CARD8: variants seen among roughly 807,000 people sequenced by gnomAD.
CARD8 encodes caspase recruitment domain-containing protein 8.
CARD8 carries 38 observed loss-of-function variants against 53.2 expected under a neutral mutation model. The ratio of observed to expected loss-of-function variants is 0.71; its 90% CI spans 0.55 to 0.94. The LOEUF is 0.94. Among genes scored for constraint, CARD8 ranks in the 40% least tolerant of loss-of-function variants. The probability of loss-of-function intolerance (pLI) is 0.00; values close to 1 mark genes in which losing one functional copy is unlikely to be tolerated. For missense variants in CARD8, 561 were observed against 655.5 expected, an observed-to-expected ratio of 0.86 and a Z score of 1.57; for synonymous variants, 245 against 244.9, an observed-to-expected ratio of 1.00 and a Z score of 0.00.
intron 10 of CARD8, among the ~76,000 whole-genome samples, chr19:48,227,559 C>T (rs1014311499): frequency 3.3e-5 from 5 of 152,092 alleles, no homozygotes; most frequent in Non-Finnish European, 7.4e-5. Context: ...AATCCCAACA[C>T]TTTGGGAGGC....
intron 11 of CARD8, among the ~76,000 whole-genome samples, chr19:48,219,415 A>T (rs17360062): frequency 0.26 from 39,619 of 151,894 alleles, 5,350 homozygotes; most frequent in South Asian, 0.36. Context: ...GGGTCAGATA[A>T]GCCATTTCAG....
At chr19:48,240,046 A>G (rs1315906989) in intron 4 of CARD8, among the ~76,000 whole-genome samples, 2 of 152,216 alleles carry the variant, frequency 1.3e-5, no homozygotes, top group African/African-American at 4.8e-5. Flanking sequence ...TCCTAACAAC[A>G]TCACATTGGA....
chr19:48,240,314 A>G (rs889805909), intron 4 of CARD8, among the ~76,000 whole-genome samples: 6 of 152,204 alleles, frequency 3.9e-5, no homozygotes, highest in Non-Finnish European at 5.9e-5. Context: ...TGGGATTGTC[A>G]AGAGCGTGGT....
In CARD8 at chr19:48,209,732, C is replaced by A. The variant is rs568789680; in HGVS notation, c.*1978G>T. ...GAGGTTTCCATTTAAAAGAATTCCACTATTCATCAAAATTTTCATCTATTC... is the reference window on the plus strand; with the variant it reads ...GAGGTTTCCATTTAAAAGAATTCCAATATTCATCAAAATTTTCATCTATTC... On this transcript the variant is annotated 3_prime_UTR_variant, in exon 14 of 14. Coordinates refer to ENST00000651546, the MANE Select transcript of CARD8 (RefSeq NM_001184900.3). 1 of 152,418 alleles carries A rather than the reference C, an allele frequency of 6.6e-6. No homozygotes were observed. The highest frequency in any genetic ancestry group is 1.5e-5 in the Non-Finnish European group (1 of 68,006). The allele number at this position is 152,418 out of a possible 1,614,324, so 9.4% of individuals were successfully genotyped here. A position where few individuals can be genotyped will look rare whatever the true frequency, so the allele number is the denominator to read the frequency against.
chr19:48,252,336 A>G (rs2047025873), intron 1 of CARD8, among the ~76,000 whole-genome samples: 1 of 152,126 alleles, frequency 6.6e-6, no homozygotes, highest in Non-Finnish European at 1.5e-5. Flanking sequence ...TATAAATATT[A>G]TCTTAATAAC....
chr19:48,245,639 C>T (rs1172067780), intron 3 of CARD8, among the ~76,000 whole-genome samples: 1 of 151,146 alleles, frequency 6.6e-6, no homozygotes, highest in Non-Finnish European at 1.5e-5. Context: ...TACAAAAAAA[C>T]TACATGACCC....
Position 48,241,099 on chromosome 19 carries a change from G to A in CARD8, c.-43-36C>T, listed in dbSNP as rs1338479871. 3 of 1,108,334 alleles carry A rather than the reference G, an allele frequency of 2.7e-6. No homozygotes were observed. In the African/African-American group the frequency reaches 4.7e-5, roughly 17 times the overall value. 68.7% of individuals were successfully genotyped at this position (1,108,334 alleles called of 1,614,324 possible). ...AAAAGGAGGTTGTATTTAGGTACTT[G>A]GGAAGAACCATCAGATAAATCTTAG... On this transcript the variant is annotated intron_variant, in intron 3 of 13. Coordinates refer to ENST00000651546, the MANE Select transcript of CARD8 (RefSeq NM_001184900.3).
At chr19:48,238,216 A>G (rs954528924) in intron 5 of CARD8, 167 bp downstream of exon 5, 23 of 1,272,912 alleles carry the variant, frequency 1.8e-5, no homozygotes, top group Non-Finnish European at 2.2e-5. Flanking sequence ...CTTATGAGAT[A>G]CAAACTCTTT....
chr19:48,214,769 C>CCTTT (rs1251500302), intron 13 of CARD8, among the ~76,000 whole-genome samples: 4 of 89,566 alleles, frequency 4.5e-5, no homozygotes, highest in African/African-American at 1.9e-4. Flanking sequence ...TGCTATAAAG[C>CCTTT]TTTTTTTTTT....
At chr19:48,221,377 T>C (rs886132451) in intron 11 of CARD8, among the ~76,000 whole-genome samples, 1 of 152,156 alleles carries the variant, frequency 6.6e-6, no homozygotes, top group African/African-American at 2.4e-5. Flanking sequence ...ATATATAACA[T>C]AAAATCAGCT....
intron 10 of CARD8, among the ~76,000 whole-genome samples, chr19:48,222,194 CAGA>C (rs1385325148): frequency 6.6e-6 from 1 of 152,194 alleles, no homozygotes; most frequent in Admixed American, 6.5e-5. Flanking sequence ...AAGCACAGGA[CAGA>C]AGGACTTCTT....
chr19:48,233,755 T>C (rs966067185), intron 6 of CARD8: 3 of 186,588 alleles, frequency 1.6e-5, no homozygotes, highest in Non-Finnish European at 3.4e-5. Flanking sequence ...CAACCATTAG[T>C]CTAAATTAAA....
chr19:48,212,004 G>C (rs1422890246), intron 13 of CARD8, 29 bp from the exon 14 acceptor site: 1 of 1,603,650 alleles, frequency 6.2e-7, no homozygotes, highest in Non-Finnish European at 8.5e-7. Flanking sequence ...TTCAGACTTT[G>C]AGAATCGTTC....
chr19:48,241,929 A>C (rs1196148460), intron 3 of CARD8, among the ~76,000 whole-genome samples: 2 of 152,038 alleles, frequency 1.3e-5, no homozygotes, highest in Admixed American at 1.3e-4. Flanking sequence ...CCACCACCAC[A>C]ATCAGTTTTA....
rs925533828 is a variant in CARD8 at position 48,211,296 on chromosome 19, T to A, written c.*414A>T. On this transcript the variant is annotated 3_prime_UTR_variant, in exon 14 of 14. Transcript: ENST00000651546. ...AGAAGCTTTTGTTAGCTTTTCTGCT[T>A]TTAGTTATGAGAAGGTGATACTTCA... is the stretch of plus-strand genomic sequence containing the variant. 1 of 159,064 alleles carries A rather than the reference T, an allele frequency of 6.3e-6. No individual in the cohort carries two copies. Among genetic ancestry groups the A allele is most frequent in the Non-Finnish European group, 1.4e-5 (1 of 72,316 alleles). 9.9% of individuals were successfully genotyped at this position (159,064 alleles called of 1,614,324 possible).
chr19:48,208,076 C>T (rs939478172), downstream of CARD8: 5 of 151,750 alleles, frequency 3.3e-5, no homozygotes, highest in Non-Finnish European at 5.9e-5. Flanking sequence ...ATCAATTTAA[C>T]TTCTAAAAAT....
chr19:48,254,846 G>C (rs1011335408), intron 1 of CARD8, among the ~76,000 whole-genome samples: 4 of 152,116 alleles, frequency 2.6e-5, no homozygotes, highest in African/African-American at 9.7e-5. Flanking sequence ...TTACATAAAG[G>C]TCTTCACAAC....
At position 48,232,509 on chromosome 19, in the gene CARD8, C is replaced by T. The variant is rs2043099670; in HGVS notation, c.351-16G>A. ...TTCTGATACACTGGAGGTTGGGATC[C>T]CCATGTTACAAAAAGATGAAAAACA... On this transcript the variant is annotated splice_polypyrimidine_tract_variant and intron_variant, in intron 6 of 13. Transcript: ENST00000651546. 1 of 1,534,492 alleles carries T rather than the reference C, an allele frequency of 6.5e-7. No homozygotes were observed. The highest frequency in any genetic ancestry group is 1.4e-5 in the African/African-American group (1 of 73,122).
intron 1 of CARD8, among the ~76,000 whole-genome samples, chr19:48,251,988 C>A (rs1245511353): frequency 1.3e-5 from 2 of 152,124 alleles, no homozygotes; most frequent in African/African-American, 4.8e-5. Flanking sequence ...CTCTTTATTT[C>A]TTTTATAAAT....
Sources: allele counts gnomAD v4.1 joint callset (sites outside exome capture counted in the v4.1 genomes callset), GRCh38; gene constraint gnomAD v4.1.1; transcripts MANE v1.5; gene names NCBI Gene and HGNC (gene_info 2026-07-23, HGNC 2026-07-21).